The following CD44 variants were observed in gnomAD, a reference collection of about 807,000 sequenced individuals.
The protein encoded by CD44 is CD44 antigen.
In CD44, 49 loss-of-function variants were observed where a neutral mutation model predicts 88.8. The ratio of observed to expected loss-of-function variants is 0.55; its 90% CI spans 0.44 to 0.70. CD44 has a LOEUF of 0.70. Ranked by LOEUF, CD44 falls within the 30% of genes least tolerant of loss-of-function variation. The pLI is 0.00. For missense variants in CD44, 883 were observed against 913.8 expected, an observed-to-expected ratio of 0.97 and a Z score of 0.43; for synonymous variants, 325 against 312.3, an observed-to-expected ratio of 1.04 and a Z score of -0.43.
At chr11:35,152,020 C>G in intron 1 of CD44, among the ~76,000 whole-genome samples, 1 of 152,296 alleles carries the variant, frequency 6.6e-6, no homozygotes, top group African/African-American at 2.4e-5. Flanking sequence ...CCCGTGGTGG[C>G]GACAGGAGGA....
intron 1 of CD44, among the ~76,000 whole-genome samples, chr11:35,172,814 C>T (rs1272635924): frequency 6.6e-6 from 1 of 151,800 alleles, no homozygotes; most frequent in Non-Finnish European, 1.5e-5. Flanking sequence ...AGATCCTGTT[C>T]AGATATATCA....
At chr11:35,165,194 G>A (rs1943125273) in intron 1 of CD44, among the ~76,000 whole-genome samples, 1 of 152,162 alleles carries the variant, frequency 6.6e-6, no homozygotes. Flanking sequence ...CTGTGGTTGT[G>A]CCTAAGACAT....
chr11:35,219,861 C>T (rs1949145897), intron 16 of CD44, among the ~76,000 whole-genome samples: 2 of 147,306 alleles, frequency 1.4e-5, no homozygotes, highest in African/African-American at 5.0e-5. Context: ...GGTTCCCCAA[C>T]TAATTTTTTT....
At chr11:35,162,157 G>A (rs768217747) in intron 1 of CD44, among the ~76,000 whole-genome samples, 1 of 152,080 alleles carries the variant, frequency 6.6e-6, no homozygotes, top group Admixed American at 6.6e-5. Flanking sequence ...CCATATCATA[G>A]GGAAGGTGCT....
At position 35,139,279 on chromosome 11, in the gene CD44, G is replaced by T. The variant is rs779632144; in HGVS notation, c.-25G>T. The T allele has an allele frequency of 5.2e-6, 8 of 1,550,502 alleles. No individual in the cohort carries two copies. In the South Asian group the frequency reaches 9.5e-5, roughly 18 times the overall value. On this transcript the variant is annotated 5_prime_UTR_variant, in exon 1 of 18. Coordinates refer to ENST00000428726, the MANE Select transcript of CD44 (RefSeq NM_000610.4). ...AGGGATCCTCCAGCTCCTTTCGCCC[G>T]CGCCCTCCGTTCGCTCCGGACACCA...
At chr11:35,172,494 C>T (rs1017130549) in intron 1 of CD44, among the ~76,000 whole-genome samples, 2 of 152,152 alleles carry the variant, frequency 1.3e-5, no homozygotes, top group Non-Finnish European at 2.9e-5. Context: ...ATCATTGGTC[C>T]TCTTCATTTA....
chr11:35,168,564 C>G (rs1176573002), intron 1 of CD44, among the ~76,000 whole-genome samples: 2 of 152,186 alleles, frequency 1.3e-5, no homozygotes, highest in East Asian at 3.8e-4. Context: ...CAGGAACTGG[C>G]TTTATTCTCA....
intron 5 of CD44, among the ~76,000 whole-genome samples, chr11:35,195,848 G>C (rs957546495): frequency 6.6e-6 from 1 of 152,074 alleles, no homozygotes; most frequent in African/African-American, 2.4e-5. Flanking sequence ...AAAATGTCCT[G>C]TTCTGCTTTG....
intron 4 of CD44, among the ~76,000 whole-genome samples, 191 bp downstream of exon 4, chr11:35,187,091 G>A (rs61881658): frequency 0.17 from 25,092 of 151,912 alleles, 2,189 homozygotes; most frequent in Middle Eastern, 0.28. Context: ...TGAACAATAT[G>A]GCGAAACCTT....
intron 1 of CD44, among the ~76,000 whole-genome samples, chr11:35,167,177 C>T (rs543964062): frequency 2.6e-4 from 39 of 152,282 alleles, no homozygotes; most frequent in South Asian, 1.2e-3. Flanking sequence ...TTGCTCAGAC[C>T]TCTTATGAAA....
intron 17 of CD44, among the ~76,000 whole-genome samples, chr11:35,228,851 G>A (rs1949901528): frequency 6.6e-6 from 1 of 152,146 alleles, no homozygotes; most frequent in African/African-American, 2.4e-5. Context: ...GCAGGTTTGG[G>A]GTGGGGCTGA....
intron 1 of CD44, among the ~76,000 whole-genome samples, chr11:35,160,590 G>T (rs1276645822): frequency 1.3e-5 from 2 of 152,158 alleles, no homozygotes. Flanking sequence ...GGGATGGGTT[G>T]GCTGGGACTT....
chr11:35,201,276 A>T, intron 8 of CD44, 81 bp downstream of exon 8: 1 of 985,774 alleles, frequency 1.0e-6, no homozygotes, highest in Non-Finnish European at 1.6e-6. Flanking sequence ...ATCGAGGCAC[A>T]GTGGGAAATT....
chr11:35,215,035 AC>A (rs1429115546), intron 15 of CD44, 121 bp downstream of exon 15: 3 of 497,910 alleles, frequency 6.0e-6, no homozygotes, highest in African/African-American at 6.0e-5. Flanking sequence ...AGCATACATC[AC>A]AATTGCAGGG....
At chr11:35,229,035 T>G in intron 17 of CD44, 94 bp from the exon 18 acceptor site, 2 of 1,049,150 alleles carry the variant, frequency 1.9e-6, no homozygotes, top group Non-Finnish European at 2.9e-6. Context: ...TCATAAACCA[T>G]AGTGATCATC....
chr11:35,211,002 G>A (rs370185986), intron 13 of CD44, among the ~76,000 whole-genome samples: 1 of 152,154 alleles, frequency 6.6e-6, no homozygotes, highest in African/African-American at 2.4e-5. Flanking sequence ...CCAAGCAGAT[G>A]TTGCAACAAA....
chr11:35,154,347 G>A (rs1042194885), intron 1 of CD44, among the ~76,000 whole-genome samples: 3 of 152,154 alleles, frequency 2.0e-5, no homozygotes, highest in East Asian at 3.9e-4. Flanking sequence ...TCTGGGATAC[G>A]AATGTACAAC....
chr11:35,139,297 G>C lies in CD44; in HGVS notation c.-7G>C. 1 of 1,557,974 alleles carries C rather than the reference G, an allele frequency of 6.4e-7. No homozygotes were observed. The highest frequency in any genetic ancestry group is 8.7e-7 in the Non-Finnish European group (1 of 1,150,330). The stretch of plus-strand genomic sequence containing the variant: ...TTCGCCCGCGCCCTCCGTTCGCTCC[G>C]GACACCATGGACAAGTTTTGGTGGC... On this transcript the variant is annotated 5_prime_UTR_variant, in exon 1 of 18. Transcript: ENST00000428726.
chr11:35,182,406 G>A (rs769397182), intron 3 of CD44, among the ~76,000 whole-genome samples: 20 of 152,130 alleles, frequency 1.3e-4, no homozygotes, highest in Non-Finnish European at 2.6e-4. Context: ...ACAGGTCACT[G>A]AATCTATCGA....
Sources: allele counts gnomAD v4.1 joint callset (sites outside exome capture counted in the v4.1 genomes callset), GRCh38; gene constraint gnomAD v4.1.1; transcripts MANE v1.5; gene names NCBI Gene and HGNC (gene_info 2026-07-23, HGNC 2026-07-21).